Variants in LHPP observed in about 807,000 individuals in gnomAD.
LHPP encodes phospholysine phosphohistidine inorganic pyrophosphate phosphatase.
In LHPP, 24 loss-of-function variants were observed where a neutral mutation model predicts 30.3. The observed-to-expected ratio is 0.79, with a 90% CI of 0.57 to 1.11. LHPP has a LOEUF of 1.11. LHPP is among the 50% of genes most tolerant of loss of function. LHPP has a pLI of 0.00. For missense variants in LHPP, 356 were observed against 367.2 expected, an observed-to-expected ratio of 0.97 and a Z score of 0.25; for synonymous variants, 150 against 157.1, an observed-to-expected ratio of 0.95 and a Z score of 0.34.
At chr10:124,513,656 A>G (rs1481317406) in intron 5 of LHPP, among the ~76,000 whole-genome samples, 2 of 150,624 alleles carry the variant, frequency 1.3e-5, no homozygotes, top group Non-Finnish European at 3.0e-5. Context: ...TGGTTTCACT[A>G]TGTTGGCCAG....
intron 1 of LHPP, among the ~76,000 whole-genome samples, chr10:124,469,886 G>T (rs1420399674): frequency 6.6e-6 from 1 of 152,126 alleles, no homozygotes; most frequent in Non-Finnish European, 1.5e-5. Context: ...AGATCCCATG[G>T]CGAGGGAGCT....
intron 6 of LHPP, chr10:124,553,883 G>A: frequency 1.0e-6 from 1 of 985,434 alleles, no homozygotes; most frequent in Non-Finnish European, 1.2e-6. Context: ...CACCACATCT[G>A]TCTTACCACA....
Position 124,596,450 on chromosome 10 carries a change from G to C in LHPP, c.717-16814G>C, listed in dbSNP as rs553918441. Among the ~76,000 whole-genome samples the C allele has an allele frequency of 6.6e-6, 1 of 152,278 alleles. No individual in the cohort carries two copies. Among genetic ancestry groups the C allele is most frequent in the South Asian group, 2.1e-4 (1 of 4,816 alleles). On this transcript the variant is annotated intron_variant, in intron 6 of 6. Coordinates refer to ENST00000368842, the MANE Select transcript of LHPP (RefSeq NM_022126.4). This position sits in a 1 kb window ranked among gnomAD's most constrained non-coding sequence, Gnocchi z 4.6. The stretch of plus-strand genomic sequence containing the variant: ...CCTCTCCACGCTGGCCATTCAGGTG[G>C]ACGTGGAGCGGTGTCATTTCCTTCC...
intron 6 of LHPP, among the ~76,000 whole-genome samples, chr10:124,555,497 G>A (rs1376663249): frequency 1.3e-5 from 2 of 152,132 alleles, no homozygotes; most frequent in African/African-American, 2.4e-5. Context: ...CACCCAACCT[G>A]TGTCCCCGTC....
intron 6 of LHPP, among the ~76,000 whole-genome samples, chr10:124,543,159 C>G (rs1459047860): frequency 6.6e-6 from 1 of 152,214 alleles, no homozygotes; most frequent in Non-Finnish European, 1.5e-5. Context: ...GAGAAAATGC[C>G]CCCGTTCCAG....
chr10:124,488,643 G>T (rs896488404), intron 3 of LHPP, 68 bp downstream of exon 3: 12 of 1,444,386 alleles, frequency 8.3e-6, no homozygotes, highest in Non-Finnish European at 1.1e-5. Context: ...TCCAACTTGC[G>T]GAATCAGGCA....
At chr10:124,538,570 A>G (rs942827574) in intron 6 of LHPP, among the ~76,000 whole-genome samples, 1 of 152,074 alleles carries the variant, frequency 6.6e-6, no homozygotes, top group African/African-American at 2.4e-5. Flanking sequence ...CTGTGGCCCC[A>G]TACCTGGGGG....
chr10:124,466,344 G>A (rs975413904), intron 1 of LHPP, among the ~76,000 whole-genome samples: 32 of 152,320 alleles, frequency 2.1e-4, no homozygotes, highest in African/African-American at 6.5e-4. Flanking sequence ...CTGGAAGGAC[G>A]CAGGCTGCTT....
At position 124,606,391 on chromosome 10, in the gene LHPP, C is replaced by T. The variant is rs553900227; in HGVS notation, c.717-6873C>T. On this transcript the variant is annotated intron_variant, in intron 6 of 6. Transcript: ENST00000368842. ...GCCCCACTCCCTCTCCCATCAGTGC[C>T]CTCAGACTCCAGGCCCTTTTCTTTC... is the stretch of plus-strand genomic sequence containing the variant. Among the ~76,000 whole-genome samples the T allele has an allele frequency of 2.6e-5, 4 of 152,336 alleles. No individual in the cohort carries two copies. The East Asian group carries it at 7.7e-4, about 29-fold the overall frequency.
chr10:124,573,893 G>T (rs377298162), intron 6 of LHPP, among the ~76,000 whole-genome samples: 1 of 152,034 alleles, frequency 6.6e-6, no homozygotes, highest in Admixed American at 6.5e-5. Context: ...ACACCCAAAC[G>T]CTGATTTTGT....
At chr10:124,561,298 C>G (rs1948390700) in intron 6 of LHPP, among the ~76,000 whole-genome samples, 1 of 152,162 alleles carries the variant, frequency 6.6e-6, no homozygotes, top group Non-Finnish European at 1.5e-5. Flanking sequence ...AAACACTGAC[C>G]AGGCTGAAAT....
intron 6 of LHPP, among the ~76,000 whole-genome samples, chr10:124,537,594 G>A (rs1040253166): frequency 1.3e-5 from 2 of 152,190 alleles, no homozygotes; most frequent in African/African-American, 2.4e-5. Flanking sequence ...TGGTGTCTGC[G>A]GACCGTGCTC....
intron 1 of LHPP, among the ~76,000 whole-genome samples, chr10:124,474,814 T>C (rs1952891603): frequency 6.6e-6 from 1 of 152,096 alleles, no homozygotes; most frequent in Non-Finnish European, 1.5e-5. Flanking sequence ...CACCCTGGGC[T>C]CCCTGCTGGT....
chr10:124,508,787 A>G (rs879504382), intron 5 of LHPP, among the ~76,000 whole-genome samples: 14 of 152,176 alleles, frequency 9.2e-5, no homozygotes, highest in Non-Finnish European at 1.5e-4. Context: ...GTGTCTATAT[A>G]TACATTTTTA....
intron 6 of LHPP, among the ~76,000 whole-genome samples, chr10:124,608,492 A>G (rs1949124688): frequency 1.3e-5 from 2 of 152,210 alleles, no homozygotes; most frequent in African/African-American, 2.4e-5. Context: ...GCATGCTATT[A>G]TGACCTCGGT....
chr10:124,471,774 A>G (rs1187740548), intron 1 of LHPP, among the ~76,000 whole-genome samples: 10 of 104,572 alleles, frequency 9.6e-5, no homozygotes, highest in Non-Finnish European at 1.9e-4. Flanking sequence ...TTTATATATA[A>G]ATATTTATGA....
Position 124,484,256 on chromosome 10 carries a change from C to T in LHPP, c.243C>T (p.Thr81=), listed in dbSNP as rs41303605. Residue 81 remains threonine, a synonymous_variant, in exon 2 of 7, where the codon ACC becomes ACT. Transcript: ENST00000368842. ...TTGACATCTCTGAGCAGGAGGTGAC[C>T]GCCCCGGCACCAGCTGCCTGCCAGA... ...LGFDISEQEV[T]APAPAACQIL... The T allele has an allele frequency of 6.4e-4, 1,028 of 1,613,952 alleles. 1 individual carries two copies. Among genetic ancestry groups the T allele is most frequent in the Non-Finnish European group, 8.2e-4 (962 of 1,179,988 alleles).
chr10:124,555,973 T>C (rs533002327), intron 6 of LHPP, among the ~76,000 whole-genome samples: 1 of 151,898 alleles, frequency 6.6e-6, no homozygotes, highest in South Asian at 2.1e-4. Context: ...GGCTGGGCCC[T>C]AGCTGGTTGA....
intron 6 of LHPP, among the ~76,000 whole-genome samples, chr10:124,536,231 G>T (rs1230958092): frequency 6.6e-6 from 1 of 152,256 alleles, no homozygotes; most frequent in Non-Finnish European, 1.5e-5. Flanking sequence ...ATTTTGCCCA[G>T]AGGCCTTGTG....
Sources: allele counts gnomAD v4.1 joint callset (sites outside exome capture counted in the v4.1 genomes callset), GRCh38; gene constraint gnomAD v4.1.1; non-coding constraint Gnocchi (gnomAD v3.1); transcripts MANE v1.5; gene names NCBI Gene and HGNC (gene_info 2026-07-23, HGNC 2026-07-21).